Variants in MGMT observed in about 807,000 individuals in gnomAD.
The protein encoded by MGMT is methylated-DNA--protein-cysteine methyltransferase.
MGMT carries 14 observed loss-of-function variants against 15.9 expected under a neutral mutation model. The observed-to-expected ratio is 0.88, with a 90% CI of 0.58 to 1.37. The LOEUF is 1.37. Among genes scored for constraint, MGMT ranks in the 40% most tolerant of loss-of-function variants. MGMT has a pLI of 0.00. For synonymous variants in MGMT, 130 were observed against 118.2 expected (o/e 1.10, Z -0.65); for missense variants, 282 against 268.1 (o/e 1.05, Z -0.36).
chr10:129,674,622 A>G (rs1189186794), intron 2 of MGMT, among the ~76,000 whole-genome samples: 3 of 152,256 alleles, frequency 2.0e-5, no homozygotes, highest in East Asian at 1.9e-4. Context: ...AAGAGTTTCC[A>G]AAGGAAAAAT....
intron 2 of MGMT, among the ~76,000 whole-genome samples, chr10:129,630,874 T>A (rs1408334664): frequency 6.6e-6 from 1 of 152,262 alleles, no homozygotes; most frequent in Non-Finnish European, 1.5e-5. Flanking sequence ...CCGATACAGT[T>A]CACTTAAAGA....
At chr10:129,578,780 T>A (rs1460086567) in intron 2 of MGMT, among the ~76,000 whole-genome samples, 1 of 152,232 alleles carries the variant, frequency 6.6e-6, no homozygotes, top group Non-Finnish European at 1.5e-5. Flanking sequence ...AACATTTTCC[T>A]TTATTTTTCC....
chr10:129,602,465 A>G (rs1304205429), intron 2 of MGMT, among the ~76,000 whole-genome samples: 1 of 152,206 alleles, frequency 6.6e-6, no homozygotes, highest in African/African-American at 2.4e-5. Context: ...GGATTCACCA[A>G]AATGAAGTTA....
chr10:129,549,459 A>G (rs1327866118), intron 2 of MGMT, among the ~76,000 whole-genome samples: 1 of 152,198 alleles, frequency 6.6e-6, no homozygotes, highest in Non-Finnish European at 1.5e-5. Context: ...AATGTTCAGG[A>G]TTTATGAAGT....
chr10:129,497,252 G>T (rs1845531131), intron 1 of MGMT, among the ~76,000 whole-genome samples: 1 of 152,170 alleles, frequency 6.6e-6, no homozygotes, highest in Non-Finnish European at 1.5e-5. Flanking sequence ...ATCAGTTCTG[G>T]ATCCTGGAGG....
chr10:129,539,699 G>A (rs775076801), intron 2 of MGMT, among the ~76,000 whole-genome samples: 5 of 152,028 alleles, frequency 3.3e-5, no homozygotes, highest in African/African-American at 4.8e-5. Flanking sequence ...GTAGAGACAG[G>A]GTTTCACTGT....
intron 3 of MGMT, among the ~76,000 whole-genome samples, chr10:129,730,608 G>A (rs548517690): frequency 2.6e-5 from 4 of 152,294 alleles, no homozygotes; most frequent in Admixed American, 2.0e-4. Flanking sequence ...GAATTCCTCA[G>A]ACTTGATTTC....
At chr10:129,500,534 G>A (rs1017408521) in intron 1 of MGMT, among the ~76,000 whole-genome samples, 1 of 152,134 alleles carries the variant, frequency 6.6e-6, no homozygotes, top group African/African-American at 2.4e-5. Flanking sequence ...TGTAAGGATT[G>A]ATTTTATTAA....
chr10:129,691,202 T>A (rs939619487), intron 2 of MGMT, among the ~76,000 whole-genome samples: 4 of 152,146 alleles, frequency 2.6e-5, no homozygotes, highest in Non-Finnish European at 5.9e-5. Flanking sequence ...AGGTGGCTGA[T>A]CTGGATAGGC....
chr10:129,741,608 A>G (rs1292054277), intron 3 of MGMT, among the ~76,000 whole-genome samples: 1 of 152,032 alleles, frequency 6.6e-6, no homozygotes, highest in African/African-American at 2.4e-5. Context: ...GGGGAGAGGG[A>G]GGCGGTTTTC....
intron 2 of MGMT, among the ~76,000 whole-genome samples, chr10:129,575,280 G>A (rs906606513): frequency 6.6e-6 from 1 of 152,074 alleles, no homozygotes; most frequent in Non-Finnish European, 1.5e-5. Context: ...CCACATAGTT[G>A]GAAGTAAAGC....
At chr10:129,718,584 C>G (rs1848328664) in intron 3 of MGMT, among the ~76,000 whole-genome samples, 1 of 152,224 alleles carries the variant, frequency 6.6e-6, no homozygotes, top group African/African-American at 2.4e-5. Context: ...CTTCATGGGT[C>G]TTCCAGGATC....
At position 129,533,511 on chromosome 10, in the gene MGMT, C is replaced by G. The variant is rs974566411; in HGVS notation, c.-12-2730C>G. Among the ~76,000 whole-genome samples, 1 of 152,188 alleles carries G rather than the reference C, an allele frequency of 6.6e-6. No individual in the cohort carries two copies. The highest frequency in any genetic ancestry group is 1.5e-5 in the Non-Finnish European group (1 of 68,040). ...AGCTGGGCTGTTTACTGCCAGTCTG[C>G]TGGGAGCTTTGACCCACCATCGTGC... On this transcript the variant is annotated intron_variant, in intron 1 of 4. Coordinates refer to ENST00000651593, the MANE Select transcript of MGMT (RefSeq NM_002412.5). The surrounding 1 kb of genome is among the most constrained non-coding windows in gnomAD (Gnocchi z 4.5).
Position 129,556,933 on chromosome 10 carries a change from C to T in MGMT, c.125+20556C>T, listed in dbSNP as rs1846220967. On this transcript the variant is annotated intron_variant, in intron 2 of 4. Transcript: ENST00000651593. The surrounding 1 kb of genome is among the most constrained non-coding windows in gnomAD (Gnocchi z 4.3). Reference sequence around the variant, plus strand: ...AGGCTACCCTTCATTGAAGGGGGGCCCGTGATGTTGAGTGTTCACCGTCTT... The same window carrying T: ...AGGCTACCCTTCATTGAAGGGGGGCTCGTGATGTTGAGTGTTCACCGTCTT... Among the ~76,000 whole-genome samples, 2 of 151,952 alleles carry T rather than the reference C, an allele frequency of 1.3e-5. No individual in the cohort carries two copies. The highest frequency in any genetic ancestry group is 4.8e-5 in the African/African-American group (2 of 41,358).
intron 2 of MGMT, among the ~76,000 whole-genome samples, chr10:129,560,460 G>T (rs1336667577): frequency 6.6e-6 from 1 of 152,166 alleles, no homozygotes; most frequent in African/African-American, 2.4e-5. Flanking sequence ...ACAGATATTG[G>T]TAAGGTTTCT....
intron 2 of MGMT, among the ~76,000 whole-genome samples, chr10:129,589,137 T>G (rs1316213512): frequency 6.6e-6 from 1 of 152,102 alleles, no homozygotes; most frequent in Non-Finnish European, 1.5e-5. Flanking sequence ...CACCAGGGAG[T>G]ACAATCTGGC....
chr10:129,588,721 T>A (rs547455694), intron 2 of MGMT, among the ~76,000 whole-genome samples: 3 of 152,368 alleles, frequency 2.0e-5, no homozygotes, highest in Non-Finnish European at 2.9e-5. Context: ...CTCTGTGAAG[T>A]GTGTGTGCCA....
chr10:129,647,106 T>C (rs1298683541), intron 2 of MGMT, among the ~76,000 whole-genome samples: 1 of 152,088 alleles, frequency 6.6e-6, no homozygotes, highest in African/African-American at 2.4e-5. Context: ...TCAGCCCCGG[T>C]AGCCCCCACG....
At chr10:129,487,652 T>C (rs1302657964) in intron 1 of MGMT, among the ~76,000 whole-genome samples, 1 of 151,988 alleles carries the variant, frequency 6.6e-6, no homozygotes, top group Non-Finnish European at 1.5e-5. Context: ...GTGTTTCTGT[T>C]GGGATTTCTT....
Sources: gnomAD v4.1 joint callset for allele counts (sites outside exome capture counted in the v4.1 genomes callset) on GRCh38, gnomAD v4.1.1 for gene constraint, Gnocchi (gnomAD v3.1) non-coding constraint, MANE v1.5 for transcripts, NCBI Gene and HGNC (gene_info 2026-07-23, HGNC 2026-07-21) for gene names.